ZBTB20: variants seen among roughly 807,000 people sequenced by gnomAD.
ZBTB20 encodes zinc finger and BTB domain containing 20, also known as zinc finger and BTB domain-containing protein 20.
Under a neutral mutation model 56.9 loss-of-function variants are expected in ZBTB20, and 9 were observed. The observed-to-expected ratio is 0.16, with a 90% CI of 0.10 to 0.28. ZBTB20 has a LOEUF of 0.28. Among genes scored for constraint, ZBTB20 ranks in the 10% least tolerant of loss-of-function variants. ZBTB20 has a pLI of 1.00. For synonymous variants in ZBTB20, 417 were observed against 420.7 expected (o/e 0.99, Z 0.11); for missense variants, 655 against 1,003.0 (o/e 0.65, Z 4.69).
intron 2 of ZBTB20, among the ~76,000 whole-genome samples, chr3:115,010,506 G>T (rs923101117): frequency 6.6e-6 from 1 of 151,868 alleles, no homozygotes; most frequent in Non-Finnish European, 1.5e-5. Context: ...GTCTCTGCCT[G>T]GTAATCAAGA....
At chr3:114,508,465 A>ATCAC (rs1330476958) in intron 6 of ZBTB20, among the ~76,000 whole-genome samples, 1 of 152,138 alleles carries the variant, frequency 6.6e-6, no homozygotes, top group Non-Finnish European at 1.5e-5. Flanking sequence ...TTTGGACTGG[A>ATCAC]TCACTGAACT....
In ZBTB20 at chr3:114,951,103, T is replaced by C. The variant is rs999277290; in HGVS notation, c.-456+23263A>G. On this transcript the variant is annotated intron_variant, in intron 3 of 11. Transcript: ENST00000675478. ...TTTTATTGGTCTGGTGCTGCTTACA[T>C]GAATATGTTCACTTTGTGAAAATTC... is the stretch of plus-strand genomic sequence containing the variant. Among the ~76,000 whole-genome samples the C allele has an allele frequency of 3.3e-5, 5 of 152,256 alleles. No homozygotes were observed. In the South Asian group the frequency reaches 6.2e-4, roughly 19 times the overall value.
chr3:114,926,576 C>T (rs921339721), intron 3 of ZBTB20, among the ~76,000 whole-genome samples: 2 of 151,932 alleles, frequency 1.3e-5, no homozygotes, highest in Non-Finnish European at 2.9e-5. Flanking sequence ...AACAAACAAA[C>T]AAAAAACTAG....
chr3:114,407,374 A>G (rs6793257), intron 7 of ZBTB20, among the ~76,000 whole-genome samples: 31,937 of 152,110 alleles, frequency 0.21, 4,522 homozygotes, highest in African/African-American at 0.4. Flanking sequence ...CACAGAGTGA[A>G]ACATTTATGC....
chr3:115,096,085 G>A (rs959206152), intron 1 of ZBTB20, among the ~76,000 whole-genome samples: 1 of 152,258 alleles, frequency 6.6e-6, no homozygotes, highest in East Asian at 1.9e-4. Context: ...GACTGTATTA[G>A]CACTGTAAAT....
chr3:114,830,515 C>G (rs75462784), intron 4 of ZBTB20, among the ~76,000 whole-genome samples: 5,439 of 151,706 alleles, frequency 0.036, 136 homozygotes, highest in Middle Eastern at 0.11. Flanking sequence ...TAATGAGTCT[C>G]TCACTCCTGA....
intron 4 of ZBTB20, among the ~76,000 whole-genome samples, chr3:114,885,437 G>GTCTC (rs3086035): frequency 1.3e-5 from 2 of 151,830 alleles, no homozygotes; most frequent in East Asian, 1.9e-4. Flanking sequence ...TTTGTTTAGT[G>GTCTC]TCTCTCTCTC....
chr3:114,988,093 T>C (rs914814809), intron 2 of ZBTB20, among the ~76,000 whole-genome samples: 6 of 111,382 alleles, frequency 5.4e-5, no homozygotes, highest in Non-Finnish European at 8.2e-5. Flanking sequence ...TCCAGTTTCT[T>C]TTTTTTTTTT....
chr3:114,723,135 T>C (rs904795442), intron 5 of ZBTB20, among the ~76,000 whole-genome samples: 4 of 152,140 alleles, frequency 2.6e-5, no homozygotes, highest in Non-Finnish European at 5.9e-5. Context: ...ATTTGCAAGG[T>C]TATACCCTTC....
At chr3:114,464,390 A>G (rs572619848) in intron 7 of ZBTB20, among the ~76,000 whole-genome samples, 1 of 152,334 alleles carries the variant, frequency 6.6e-6, no homozygotes, top group South Asian at 2.1e-4. Flanking sequence ...AATTTTAGGA[A>G]TTCAGCTTAT....
At chr3:115,010,397 C>G (rs1228728910) in intron 2 of ZBTB20, among the ~76,000 whole-genome samples, 1 of 151,908 alleles carries the variant, frequency 6.6e-6, no homozygotes, top group Non-Finnish European at 1.5e-5. Context: ...GGTTACTCCA[C>G]CCTGCAAAGG....
chr3:114,966,328 C>T (rs1299258398), intron 3 of ZBTB20, among the ~76,000 whole-genome samples: 1 of 152,000 alleles, frequency 6.6e-6, no homozygotes, highest in Non-Finnish European at 1.5e-5. Flanking sequence ...AATAAAGAAG[C>T]ACACGAGGTG....
At chr3:114,478,687 A>G (rs2041159446) in intron 7 of ZBTB20, among the ~76,000 whole-genome samples, 2 of 152,196 alleles carry the variant, frequency 1.3e-5, no homozygotes, top group African/African-American at 4.8e-5. Flanking sequence ...TGAAATGTGT[A>G]TGCATATGTG....
intron 6 of ZBTB20, among the ~76,000 whole-genome samples, chr3:114,604,649 G>A (rs939938001): frequency 3.9e-5 from 6 of 151,954 alleles, no homozygotes; most frequent in East Asian, 1.9e-4. Context: ...TTAGCTACCG[G>A]TGCAGCCAAT....
At chr3:114,954,407 A>T (rs1332335194) in intron 3 of ZBTB20, among the ~76,000 whole-genome samples, 1 of 152,318 alleles carries the variant, frequency 6.6e-6, no homozygotes, top group East Asian at 1.9e-4. Flanking sequence ...ACTACATATT[A>T]ATCCTTAAAA....
chr3:114,589,610 C>T (rs1248706267), intron 6 of ZBTB20, among the ~76,000 whole-genome samples: 1 of 152,142 alleles, frequency 6.6e-6, no homozygotes, highest in Non-Finnish European at 1.5e-5. Flanking sequence ...AATAATTATA[C>T]CAAGACTACA....
At chr3:114,418,848 A>C (rs904046891) in intron 7 of ZBTB20, among the ~76,000 whole-genome samples, 4 of 152,104 alleles carry the variant, frequency 2.6e-5, no homozygotes, top group African/African-American at 9.7e-5. Context: ...CATATGTTGC[A>C]CATATTGGTT....
chr3:115,127,592 C>CA (rs1553899008), intron 1 of ZBTB20, among the ~76,000 whole-genome samples: 1 of 151,494 alleles, frequency 6.6e-6, no homozygotes, highest in Non-Finnish European at 1.5e-5. Context: ...AACTCTGTCT[C>CA]AAAAAATAAG....
intron 6 of ZBTB20, among the ~76,000 whole-genome samples, chr3:114,639,337 G>A (rs982246901): frequency 2.0e-5 from 3 of 152,042 alleles, no homozygotes; most frequent in Admixed American, 1.3e-4. Flanking sequence ...TGGAGTTAGG[G>A]AGGACTTTGG....
Sources: allele counts gnomAD v4.1 joint callset (sites outside exome capture counted in the v4.1 genomes callset), GRCh38; gene constraint gnomAD v4.1.1; transcripts MANE v1.5; gene names NCBI Gene and HGNC (gene_info 2026-07-23, HGNC 2026-07-21).